Variants in ANK1 observed in about 807,000 individuals in gnomAD.
The protein encoded by ANK1 is ankyrin 1.
In ANK1, 51 loss-of-function variants were observed where a neutral mutation model predicts 210.4. The ratio of observed to expected loss-of-function variants is 0.24; its 90% CI spans 0.19 to 0.31. The LOEUF (loss-of-function observed/expected upper bound fraction) is 0.31, where lower values mean the gene tolerates loss of function less well. Ranked by LOEUF, ANK1 falls within the 10% of genes least tolerant of loss-of-function variation. The pLI is 1.00. For missense variants in ANK1, 2,051 were observed against 2,504.4 expected (o/e 0.82, Z 3.86); for synonymous variants, 967 against 1,025.9 (o/e 0.94, Z 1.10).
At position 41,754,655 on chromosome 8, in the gene ANK1, A is replaced by C. The variant is rs184350016; in HGVS notation, c.129+3381T>G. Reference sequence around the variant, plus strand: ...AAGAGCTTGCTTTTATGCGTGTTTTAAAGAGCAGAAAGCTCTAGTAGCATT... The same window carrying C: ...AAGAGCTTGCTTTTATGCGTGTTTTCAAGAGCAGAAAGCTCTAGTAGCATT... On this transcript the variant is annotated intron_variant, in intron 2 of 42. Coordinates refer to ENST00000289734, the MANE Select transcript of ANK1 (RefSeq NM_000037.4). 3.3e-5 allele frequency among the ~76,000 whole-genome samples: 5 copies of C among 152,358 alleles called. No individual in the cohort carries two copies. In the East Asian group the frequency reaches 9.6e-4, roughly 29 times the overall value.
intron 9 of ANK1, among the ~76,000 whole-genome samples, chr8:41,722,428 T>C (rs993394465): frequency 9.2e-5 from 14 of 152,326 alleles, no homozygotes; most frequent in African/African-American, 3.1e-4. Context: ...TAGCTGTGAG[T>C]GGGCCTGGCT....
chr8:41,783,875 C>T (rs13274736), intron 1 of ANK1, among the ~76,000 whole-genome samples: 46,854 of 151,928 alleles, frequency 0.31, 8,121 homozygotes, highest in South Asian at 0.39. Context: ...CCAGACTGGG[C>T]AACATAGCAA....
chr8:41,896,319 C>G, intron 1 of ANK1: 1 of 1,577,850 alleles, frequency 6.3e-7, no homozygotes, highest in Non-Finnish European at 8.6e-7. Context: ...TTGCAGGTGC[C>G]GCGGTCGCTG....
Position 41,820,386 on chromosome 8 carries a change from T to C in ANK1, c.127-62249A>G, listed in dbSNP as rs555397981. ...GTGTGTGTGTGTGTGTGTGTAGACA[T>C]GGTCTCCCTATGCTGCTTAGGCTGG... On this transcript the variant is annotated intron_variant, in intron 1 of 42. Transcript: ENST00000265709. Among the ~76,000 whole-genome samples, 7 of 142,380 alleles carry C rather than the reference T, an allele frequency of 4.9e-5. No homozygotes were observed. The South Asian group carries it at 1.6e-3, about 32-fold the overall frequency. The allele number at this position is 142,380 out of a possible 152,430, so 93.4% of individuals were successfully genotyped here.
chr8:41,752,649 A>T (rs1300986660), intron 2 of ANK1, among the ~76,000 whole-genome samples: 1 of 152,104 alleles, frequency 6.6e-6, no homozygotes, highest in Non-Finnish European at 1.5e-5. Context: ...CGTGGAAGCC[A>T]GCCCTCGGAA....
In ANK1 at chr8:41,694,130, A is replaced by G; in HGVS notation, c.3328-28T>C. The G allele has an allele frequency of 3.7e-6, 6 of 1,603,348 alleles. No homozygotes were observed. The highest frequency in any genetic ancestry group is 5.1e-6 in the Non-Finnish European group (6 of 1,173,748). ...GTGAAATGACAGAGGCAGGACACTC[A>G]GGCCCAAGCAGGAGAGGGGCTAATC... On this transcript the variant is annotated intron_variant, in intron 28 of 42. Coordinates refer to ENST00000289734, the MANE Select transcript of ANK1 (RefSeq NM_000037.4). This position sits in a 1 kb window ranked among gnomAD's most constrained non-coding sequence, Gnocchi z 5.7.
intron 2 of ANK1, among the ~76,000 whole-genome samples, chr8:41,736,067 G>A (rs1833335433): frequency 6.6e-6 from 1 of 152,182 alleles, no homozygotes; most frequent in African/African-American, 2.4e-5. Flanking sequence ...TCAGTGAAGG[G>A]TCCAAAGCTG....
At chr8:41,775,101 A>G (rs1843724942) in intron 1 of ANK1, among the ~76,000 whole-genome samples, 1 of 152,120 alleles carries the variant, frequency 6.6e-6, no homozygotes, top group South Asian at 2.1e-4. Flanking sequence ...AAGTACTGGC[A>G]GTGAACCCCA....
chr8:41,755,793 C>T (rs564144306), intron 2 of ANK1, among the ~76,000 whole-genome samples: 1 of 152,316 alleles, frequency 6.6e-6, no homozygotes, highest in Non-Finnish European at 1.5e-5. Flanking sequence ...AAAGGCCAGC[C>T]TGGCAGATGC....
intron 1 of ANK1, among the ~76,000 whole-genome samples, chr8:41,854,956 A>G (rs190394393): frequency 1.3e-5 from 2 of 151,660 alleles, no homozygotes; most frequent in African/African-American, 4.8e-5. Context: ...TCAAAAGAAA[A>G]AAAAAAAAAA....
At chr8:41,721,880 A>G (rs17661149) in intron 9 of ANK1, among the ~76,000 whole-genome samples, 6,325 of 152,236 alleles carry the variant, frequency 0.042, 169 homozygotes, top group Non-Finnish European at 0.056. Context: ...CTCAGTAAGG[A>G]ATTTTCATAA....
chr8:41,681,577 C>A (rs1816039976), intron 37 of ANK1, among the ~76,000 whole-genome samples: 1 of 152,226 alleles, frequency 6.6e-6, no homozygotes, highest in African/African-American at 2.4e-5. Context: ...AGTCCCAGGG[C>A]CTCAGAAGGA....
intron 39 of ANK1, chr8:41,665,037 C>G: frequency 6.2e-7 from 1 of 1,612,152 alleles, no homozygotes; most frequent in African/African-American, 1.3e-5. Context: ...CGCCTCCTCA[C>G]CAGCCCGGTC....
At chr8:41,805,377 GAC>G (rs1331476592) in intron 1 of ANK1, among the ~76,000 whole-genome samples, 4 of 152,036 alleles carry the variant, frequency 2.6e-5, no homozygotes, top group Non-Finnish European at 5.9e-5. Context: ...AAGTAGCTGG[GAC>G]TACAGGTTTG....
chr8:41,768,212 C>G (rs1842274084), intron 1 of ANK1, among the ~76,000 whole-genome samples: 1 of 152,172 alleles, frequency 6.6e-6, no homozygotes, highest in South Asian at 2.1e-4. Context: ...AGAGTAGGCT[C>G]AATTCAGAGG....
intron 1 of ANK1, among the ~76,000 whole-genome samples, chr8:41,780,715 T>G (rs916502535): frequency 6.6e-6 from 1 of 152,190 alleles, no homozygotes; most frequent in African/African-American, 2.4e-5. Flanking sequence ...CACGTGTGCC[T>G]GTGTGTGCAT....
chr8:41,668,584 G>C lies in ANK1; in HGVS notation c.5097-20C>G, dbSNP rs773540538. On this transcript the variant is annotated intron_variant, in intron 38 of 42. Coordinates refer to ENST00000289734, the MANE Select transcript of ANK1 (RefSeq NM_000037.4). ...TGCAGTCTGGGGTCCAGAAGAAGCA[G>C]CAGATGGCCGGCCGGGGAGAGAGAA... is the stretch of plus-strand genomic sequence containing the variant. 6.2e-7 allele frequency: 1 copy of C among 1,606,098 alleles called. No individual in the cohort carries two copies. Among genetic ancestry groups the C allele is most frequent in the Non-Finnish European group, 8.5e-7 (1 of 1,174,044 alleles).
Position 41,723,466 on chromosome 8 carries a change from G to A in ANK1, c.810+69C>T. On this transcript the variant is annotated intron_variant, in intron 8 of 42. Coordinates refer to ENST00000289734, the MANE Select transcript of ANK1 (RefSeq NM_000037.4). ...CTAACTAGGTCACCAAGGGCCCGCTGCTCTGGGTGAGGCTTGTGAGGGGGG... is the reference window on the plus strand; with the variant it reads ...CTAACTAGGTCACCAAGGGCCCGCTACTCTGGGTGAGGCTTGTGAGGGGGG... The A allele has an allele frequency of 1.9e-6, 3 of 1,566,802 alleles. No homozygotes were observed. The South Asian group carries it at 3.3e-5, about 17-fold the overall frequency.
intron 1 of ANK1, chr8:41,803,378 C>T (rs894347271): frequency 6.6e-6 from 1 of 152,212 alleles, no homozygotes; most frequent in African/African-American, 2.4e-5. Flanking sequence ...ATGTTTACAA[C>T]TAATTGGTCA....
Sources: allele counts gnomAD v4.1 joint callset (sites outside exome capture counted in the v4.1 genomes callset), GRCh38; gene constraint gnomAD v4.1.1; non-coding constraint Gnocchi (gnomAD v3.1); transcripts MANE v1.5; gene names NCBI Gene and HGNC (gene_info 2026-07-23, HGNC 2026-07-21).